The following PPP2R5C variants were observed in gnomAD, a reference collection of about 807,000 sequenced individuals.
PPP2R5C encodes the protein serine/threonine-protein phosphatase 2A 56 kDa regulatory subunit gamma isoform.
A neutral mutation model predicts 68.9 loss-of-function variants in PPP2R5C; 7 were observed. The observed-to-expected ratio is 0.10, with a 90% CI of 0.06 to 0.19. The LOEUF is 0.19. Ranked by LOEUF, PPP2R5C falls within the 10% of genes least tolerant of loss-of-function variation. The pLI is 1.00. For missense variants in PPP2R5C, 348 were observed against 641.3 expected, an observed-to-expected ratio of 0.54 and a Z score of 4.94; for synonymous variants, 210 against 222.2, an observed-to-expected ratio of 0.95 and a Z score of 0.49.
chr14:101,848,566 C>T (rs2140486472), intron 1 of PPP2R5C, among the ~76,000 whole-genome samples: 1 of 152,028 alleles, frequency 6.6e-6, no homozygotes, highest in African/African-American at 2.4e-5. Flanking sequence ...AAGAAAGAAA[C>T]TGTTGGGATT....
intron 1 of PPP2R5C, among the ~76,000 whole-genome samples, chr14:101,848,714 C>T (rs1175272628): frequency 6.6e-6 from 1 of 152,160 alleles, no homozygotes; most frequent in Non-Finnish European, 1.5e-5. Flanking sequence ...AGCCCAGGGA[C>T]ACCCCGATTG....
chr14:101,776,371 C>A (rs767832827), intron 2 of PPP2R5C, among the ~76,000 whole-genome samples: 2 of 152,030 alleles, frequency 1.3e-5, no homozygotes, highest in Non-Finnish European at 2.9e-5. Flanking sequence ...CAAACCAGAT[C>A]GCTAAACAGT....
chr14:101,796,985 C>T (rs1242924383), intron 3 of PPP2R5C: 9 of 354,678 alleles, frequency 2.5e-5, no homozygotes, highest in South Asian at 1.3e-4. Context: ...GTGTACAACT[C>T]GGTGGTATTA....
chr14:101,773,982 A>G (rs763265067), intron 2 of PPP2R5C, among the ~76,000 whole-genome samples: 20 of 152,232 alleles, frequency 1.3e-4, no homozygotes, highest in Non-Finnish European at 2.8e-4. Flanking sequence ...GACATGAACC[A>G]CTGAGTCTGG....
At chr14:101,925,472 G>A (rs1444564570) in exon 14 of PPP2R5C, 2 of 897,116 alleles carry the variant, frequency 2.2e-6, no homozygotes, top group East Asian at 6.0e-5. Context: ...TGGCAGAGCC[G>A]CGGGTTGACG....
At chr14:101,884,631 A>C (rs983310588) in intron 5 of PPP2R5C, among the ~76,000 whole-genome samples, 3 of 151,924 alleles carry the variant, frequency 2.0e-5, no homozygotes, top group East Asian at 1.9e-4. Flanking sequence ...TGGCAGGCCC[A>C]CCTCCAGGCC....
chr14:101,768,589 G>A (rs1262083639), intron 2 of PPP2R5C, among the ~76,000 whole-genome samples: 1 of 151,880 alleles, frequency 6.6e-6, no homozygotes, highest in South Asian at 2.1e-4. Context: ...CGGCTCCATC[G>A]AAGGTAGCTG....
At chr14:101,897,329 C>T (rs2045397259) in intron 8 of PPP2R5C, among the ~76,000 whole-genome samples, 1 of 151,718 alleles carries the variant, frequency 6.6e-6, no homozygotes, top group Admixed American at 6.6e-5. Context: ...ACTGTATTTT[C>T]TCCAGTGGTT....
intron 12 of PPP2R5C, chr14:101,912,687 T>C: frequency 8.6e-6 from 9 of 1,050,726 alleles, no homozygotes; most frequent in East Asian, 3.4e-5. Context: ...TTGACTTTTT[T>C]CCTCTGCTTT....
intron 9 of PPP2R5C, among the ~76,000 whole-genome samples, chr14:101,903,133 C>T (rs1018202119): frequency 1.3e-5 from 2 of 151,534 alleles, no homozygotes; most frequent in Non-Finnish European, 2.9e-5. Context: ...TAGAGACCAG[C>T]GCCACGGAGC....
At position 101,769,015 on chromosome 14, in the gene PPP2R5C, A is replaced by G. The variant is rs193217099; in HGVS notation, c.93+6045A>G. On this transcript the variant is annotated intron_variant, in intron 2 of 14. Transcript: ENST00000328724. The stretch of plus-strand genomic sequence containing the variant: ...CATTTTTTGTATTTTTAGTAGAGAC[A>G]GGGTTTCACTGTGTTAGCCAGGATG... Among the ~76,000 whole-genome samples, 524 of 152,124 alleles carry G rather than the reference A, an allele frequency of 3.4e-3. 2 individuals carry two copies. Among genetic ancestry groups the G allele is most frequent in the African/African-American group, 0.011 (437 of 41,520 alleles).
At chr14:101,918,357 C>G (rs2046799707) in intron 13 of PPP2R5C, among the ~76,000 whole-genome samples, 1 of 147,280 alleles carries the variant, frequency 6.8e-6, no homozygotes, top group African/African-American at 2.5e-5. Flanking sequence ...CCCTAGGACA[C>G]CTCACCCTCC....
At chr14:101,771,222 CGT>C (rs3993402) in intron 2 of PPP2R5C, among the ~76,000 whole-genome samples, 2,158 of 135,456 alleles carry the variant, frequency 0.016, 40 homozygotes, top group African/African-American at 0.049. Flanking sequence ...TTCTTCATCT[CGT>C]GTGTGTGTGT....
At chr14:101,775,815 T>C (rs549923904) in intron 2 of PPP2R5C, among the ~76,000 whole-genome samples, 1 of 152,224 alleles carries the variant, frequency 6.6e-6, no homozygotes, top group Non-Finnish European at 1.5e-5. Context: ...ACCTCATCTT[T>C]CCTTGTCTCC....
intron 1 of PPP2R5C, among the ~76,000 whole-genome samples, chr14:101,829,991 A>G (rs1263414451): frequency 6.6e-6 from 1 of 152,042 alleles, no homozygotes; most frequent in African/African-American, 2.4e-5. Context: ...GTCCTCTGTG[A>G]CCCAAGTTGT....
chr14:101,790,496 A>G (rs2038308108), intron 3 of PPP2R5C, among the ~76,000 whole-genome samples: 1 of 152,222 alleles, frequency 6.6e-6, no homozygotes, highest in Admixed American at 6.5e-5. Flanking sequence ...GACACTTCAT[A>G]TAAGCGAAGT....
At chr14:101,881,295 G>T (rs561598101) in intron 2 of PPP2R5C, among the ~76,000 whole-genome samples, 3 of 152,244 alleles carry the variant, frequency 2.0e-5, no homozygotes, top group Non-Finnish European at 2.9e-5. Context: ...AGCTACTCGG[G>T]AGGCTGAGGC....
At chr14:101,852,431 G>A (rs1595376574) in intron 1 of PPP2R5C, among the ~76,000 whole-genome samples, 1 of 149,358 alleles carries the variant, frequency 6.7e-6, no homozygotes, top group Non-Finnish European at 1.5e-5. Flanking sequence ...TTAAAGAATA[G>A]CACATTCTTT....
intron 7 of PPP2R5C, among the ~76,000 whole-genome samples, chr14:101,894,061 A>C (rs932340227): frequency 1.1e-3 from 165 of 152,354 alleles, no homozygotes; most frequent in African/African-American, 3.8e-3. Flanking sequence ...GATTCTTCCT[A>C]GAACATATTT....
Sources: gnomAD v4.1 joint callset for allele counts (sites outside exome capture counted in the v4.1 genomes callset) on GRCh38, gnomAD v4.1.1 for gene constraint, MANE v1.5 for transcripts, NCBI Gene and HGNC (gene_info 2026-07-23, HGNC 2026-07-21) for gene names.